Variants in PLEKHG4B observed in about 807,000 individuals in gnomAD.
PLEKHG4B encodes the protein pleckstrin homology domain-containing family G member 4B.
A neutral mutation model predicts 121.3 loss-of-function variants in PLEKHG4B; 111 were observed. The ratio of observed to expected loss-of-function variants is 0.92; its 90% CI spans 0.78 to 1.07. The LOEUF (loss-of-function observed/expected upper bound fraction) is 1.07, where lower values mean the gene tolerates loss of function less well. Among genes scored for constraint, PLEKHG4B ranks in the 50% least tolerant of loss-of-function variants. PLEKHG4B has a pLI of 0.00. For synonymous variants in PLEKHG4B, 738 were observed against 725.0 expected, an observed-to-expected ratio of 1.02 and a Z score of -0.29; for missense variants, 1,831 against 1,757.8, an observed-to-expected ratio of 1.04 and a Z score of -0.74.
In PLEKHG4B at chr5:140,536, C is replaced by G. The variant is rs1413983951; in HGVS notation, c.1297C>G (p.Leu433Val). 6.2e-7 allele frequency: 1 copy of G among 1,601,688 alleles called. No homozygotes were observed. Among genetic ancestry groups the G allele is most frequent in the Non-Finnish European group, 8.5e-7 (1 of 1,174,724 alleles). Residue 433 changes from leucine to valine, a missense_variant, in exon 3 of 20, where the codon CTT (leucine) becomes GTT (valine). Coordinates refer to ENST00000637938, the MANE Select transcript of PLEKHG4B (RefSeq NM_052909.5). ...RTGPGAAGRTLPRRSRSWERA... is the reference protein window; with the variant it reads ...RTGPGAAGRTVPRRSRSWERA... Reference sequence around the variant, plus strand: ...AGGTCCAGGAGCTGCAGGGCGGACTCTTCCCAGGAGATCTCGGTCCTGGGA... The same window carrying G: ...AGGTCCAGGAGCTGCAGGGCGGACTGTTCCCAGGAGATCTCGGTCCTGGGA...
chr5:142,690 TACAC>T (rs1408904053), intron 3 of PLEKHG4B, among the ~76,000 whole-genome samples: 4 of 152,004 alleles, frequency 2.6e-5, no homozygotes, highest in African/African-American at 9.7e-5. Flanking sequence ...GTGCCAGAGT[TACAC>T]ATACCACACA....
At chr5:92,313 G>T (rs1377394723) in intron 1 of PLEKHG4B, 37 bp downstream of exon 1, 1 of 43,568 alleles carries the variant, frequency 2.3e-5, no homozygotes, top group Non-Finnish European at 3.8e-5. Flanking sequence ...GGGTGGGGGC[G>T]CGAGCGGACG....
chr5:93,584 G>A (rs942506788), intron 1 of PLEKHG4B, among the ~76,000 whole-genome samples: 3 of 152,182 alleles, frequency 2.0e-5, no homozygotes. Context: ...CCTGGGCTGG[G>A]AGCACACAGG....
intron 7 of PLEKHG4B, among the ~76,000 whole-genome samples, chr5:153,147 T>C (rs1035389866): frequency 2.6e-5 from 4 of 152,248 alleles, no homozygotes; most frequent in African/African-American, 7.2e-5. Flanking sequence ...AAATATATTT[T>C]CTACATCTCT....
chr5:165,147 A>G (rs371866183), intron 13 of PLEKHG4B, among the ~76,000 whole-genome samples: 11 of 69,858 alleles, frequency 1.6e-4, no homozygotes, highest in East Asian at 1.1e-3. Flanking sequence ...GACGGGGCGG[A>G]GCTCACACTA....
In PLEKHG4B at chr5:184,344, G is replaced by T. The variant is rs1003141176; in HGVS notation, c.*2021G>T. The T allele has an allele frequency of 1.3e-5, 2 of 152,238 alleles. No homozygotes were observed. The highest frequency in any genetic ancestry group is 1.3e-4 in the Admixed American group (2 of 15,280). The allele number at this position is 152,238 out of a possible 1,614,324, so 9.4% of individuals were successfully genotyped here. A position where few individuals can be genotyped will look rare whatever the true frequency, so the allele number is the denominator to read the frequency against. ...ACAGAAAATCCTAAAACCAGTCAGA[G>T]GACAAGGGCATGTTCTGTTGGGAGG... On this transcript the variant is annotated 3_prime_UTR_variant, in exon 20 of 20. Coordinates refer to ENST00000637938, the MANE Select transcript of PLEKHG4B (RefSeq NM_052909.5).
chr5:170,957 A>C, intron 14 of PLEKHG4B, 86 bp from the exon 15 acceptor site: 1 of 1,062,626 alleles, frequency 9.4e-7, no homozygotes, highest in Non-Finnish European at 1.4e-6. Flanking sequence ...GGACGGGAGC[A>C]GTTCCAAGTC....
chr5:169,507 A>G lies in PLEKHG4B; in HGVS notation c.3644A>G (p.His1215Arg). Residue 1215 changes from histidine (H) to arginine (R), a missense_variant, in exon 14 of 20, where the codon CAC becomes CGC. By Grantham distance (29) the His-to-Arg change is conservative. Transcript: ENST00000637938. ...ATTTTCGGCAACTTGGAGAAGCTCCACGACTTCCACCAGCAGCACTTCCTC... is the reference window on the plus strand; with the variant it reads ...ATTTTCGGCAACTTGGAGAAGCTCCGCGACTTCCACCAGCAGCACTTCCTC... ...HVIFGNLEKL[H>R]DFHQQHFLRE... 6.2e-7 allele frequency: 1 copy of G among 1,614,142 alleles called. No individual in the cohort carries two copies. The highest frequency in any genetic ancestry group is 1.1e-5 in the South Asian group (1 of 91,092).
In PLEKHG4B at chr5:185,370, T is replaced by C. The variant is rs1733595282; in HGVS notation, c.*3047T>C. ...CTTTAAAGATGTGCAGTGGATCGTA[T>C]GTCGCTTAAATCCCAACAAAGCAGT... On this transcript the variant is annotated 3_prime_UTR_variant, in exon 20 of 20. Coordinates refer to ENST00000637938, the MANE Select transcript of PLEKHG4B (RefSeq NM_052909.5). 6.6e-6 allele frequency: 1 copy of C among 152,256 alleles called. No homozygotes were observed. The highest frequency in any genetic ancestry group is 1.5e-5 in the Non-Finnish European group (1 of 68,064). 9.4% of individuals were successfully genotyped at this position (152,256 alleles called of 1,614,324 possible).
intron 2 of PLEKHG4B, among the ~76,000 whole-genome samples, chr5:120,888 A>G (rs544872594): frequency 2.0e-5 from 3 of 152,280 alleles, no homozygotes; most frequent in South Asian, 2.1e-4. Flanking sequence ...TAAATAACCT[A>G]TAAGTAATAT....
chr5:157,959 G>A lies in PLEKHG4B; in HGVS notation c.2487+1048G>A, dbSNP rs915477184. ...AGACAAAGACGTGCAGCAGGGACGC[G>A]AGGCACTGTGCATGCTCCTGGCCTC... On this transcript the variant is annotated intron_variant, in intron 11 of 19. Transcript: ENST00000637938. The surrounding 1 kb of genome is among the most constrained non-coding windows in gnomAD (Gnocchi z 4.6). Among the ~76,000 whole-genome samples, 3 of 152,236 alleles carry A rather than the reference G, an allele frequency of 2.0e-5. No individual in the cohort carries two copies. Among genetic ancestry groups the A allele is most frequent in the Admixed American group, 1.3e-4 (2 of 15,296 alleles).
intron 1 of PLEKHG4B, among the ~76,000 whole-genome samples, chr5:98,278 T>C (rs1436262750): frequency 6.6e-6 from 1 of 151,998 alleles, no homozygotes; most frequent in Admixed American, 6.6e-5. Flanking sequence ...ATGTGGTTAT[T>C]CAGTTGTGTC....
At chr5:172,656 G>A (rs1290546397) in intron 16 of PLEKHG4B, among the ~76,000 whole-genome samples, 2 of 152,250 alleles carry the variant, frequency 1.3e-5, no homozygotes, top group Non-Finnish European at 2.9e-5. Flanking sequence ...AGGGTCAAAC[G>A]GGAGGGTTGG....
At chr5:103,244 C>G (rs147093915) in intron 1 of PLEKHG4B, among the ~76,000 whole-genome samples, 3,309 of 152,308 alleles carry the variant, frequency 0.022, 68 homozygotes, top group Non-Finnish European at 0.032. Context: ...AAGTTCAGTG[C>G]TGTTGTGAGT....
At chr5:155,585 C>T in intron 9 of PLEKHG4B, 142 bp downstream of exon 9, 1 of 677,054 alleles carries the variant, frequency 1.5e-6, no homozygotes, top group South Asian at 1.8e-5. Flanking sequence ...TTGTAGATCC[C>T]TCTTAATTCA....
Position 143,483 on chromosome 5 carries a change from G to A in PLEKHG4B, c.1791G>A (p.Leu597=), listed in dbSNP as rs753574225. The A allele has an allele frequency of 3.1e-6, 5 of 1,612,846 alleles. No homozygotes were observed. The highest frequency in any genetic ancestry group is 2.2e-5 in the East Asian group (1 of 44,880). ...SSCAELTRLL[L]YFHSIPRKEV... is the part of the protein sequence containing the mutation. ...GTGCTGAGCTGACCCGCCTGCTGCT[G>A]TACTTCCATAGCATCCCCAGGTGGG... The change falls in exon 5 of 20, where the codon CTG becomes CTA. Residue 597 remains leucine, a synonymous_variant. Transcript: ENST00000637938.
chr5:124,283 C>T (rs1734549722), intron 2 of PLEKHG4B, among the ~76,000 whole-genome samples: 1 of 152,150 alleles, frequency 6.6e-6, no homozygotes, highest in African/African-American at 2.4e-5. Context: ...GAAGTTGTCT[C>T]ATGTGTGCAC....
rs1371524530 is a variant in PLEKHG4B, at chr5:188,413, C to T, written c.*6090C>T. The T allele has an allele frequency of 3.3e-5, 5 of 152,260 alleles. No homozygotes were observed. The South Asian group carries it at 6.2e-4, about 19-fold the overall frequency. 9.4% of individuals were successfully genotyped at this position (152,260 alleles called of 1,614,324 possible). A position where few individuals can be genotyped will look rare whatever the true frequency, so the allele number is the denominator to read the frequency against. Reference sequence around the variant, plus strand: ...CGGCCAGGGTCCAGGCTGCTCCCACCATCCCTGGGGGATTAGCACCTTGGC... The same window carrying T: ...CGGCCAGGGTCCAGGCTGCTCCCACTATCCCTGGGGGATTAGCACCTTGGC... On this transcript the variant is annotated 3_prime_UTR_variant, in exon 20 of 20. Transcript: ENST00000637938.
At chr5:143,579 C>T (rs1408299726) in intron 5 of PLEKHG4B, 76 bp downstream of exon 5, 14 of 1,561,920 alleles carry the variant, frequency 9.0e-6, no homozygotes, top group Admixed American at 3.5e-5. Flanking sequence ...GTGGGGGGCA[C>T]GGGGAGGTGC....
Sources: allele counts gnomAD v4.1 joint callset (sites outside exome capture counted in the v4.1 genomes callset), GRCh38; gene constraint gnomAD v4.1.1; non-coding constraint Gnocchi (gnomAD v3.1); transcripts MANE v1.5; gene names NCBI Gene and HGNC (gene_info 2026-07-23, HGNC 2026-07-21).